RAD50: variants seen among roughly 807,000 people sequenced by gnomAD.
The protein encoded by RAD50 is DNA repair protein RAD50.
Under a neutral mutation model 168.8 loss-of-function variants are expected in RAD50, and 132 were observed. The observed-to-expected ratio is 0.78, with a 90% CI of 0.68 to 0.90. RAD50 has a LOEUF of 0.90. RAD50 is among the 40% of genes least tolerant of loss of function. The pLI is 0.00. For missense variants in RAD50, 1,347 were observed against 1,534.4 expected (o/e 0.88, Z 2.04); for synonymous variants, 525 against 497.4 (o/e 1.06, Z -0.74).
In RAD50 at chr5:132,591,925, G is replaced by C; in HGVS notation, c.1684G>C (p.Glu562Gln). The change falls in exon 11 of 25, where the codon GAA (glutamate) becomes CAA (glutamine). Residue 562 changes from glutamate to glutamine, a missense_variant. Physicochemically the swap from Glu to Gln is conservative, Grantham distance 29 (BLOSUM62 2). This residue lies in a region of RAD50 where 703 missense variants were observed against 767.7 expected (regional missense o/e 0.92). Coordinates refer to ENST00000378823, the MANE Select transcript of RAD50 (RefSeq NM_005732.4). ...AAAAATAAAATCTAGGCACAGTGAT[G>C]AATTAACCTCACTGTTGGGATATTT... ...IRKIKSRHSD[E>Q]LTSLLGYFPN... 3.7e-6 allele frequency: 6 copies of C among 1,609,434 alleles called. No homozygotes were observed. Among genetic ancestry groups the C allele is most frequent in the Non-Finnish European group, 5.1e-6 (6 of 1,176,146 alleles).
intron 22 of RAD50, among the ~76,000 whole-genome samples, chr5:132,637,638 T>C (rs6893672): frequency 0.035 from 5,258 of 151,990 alleles, 298 homozygotes; most frequent in African/African-American, 0.12. Flanking sequence ...CAGGTGATTC[T>C]CCCACCTCAG....
intron 19 of RAD50, among the ~76,000 whole-genome samples, chr5:132,613,198 C>G (rs1259764011): frequency 6.6e-6 from 1 of 152,100 alleles, no homozygotes. Flanking sequence ...GCCTAACAGT[C>G]ACTTATTTAC....
At chr5:132,591,525 G>C in intron 10 of RAD50, 119 bp downstream of exon 10, 2 of 980,034 alleles carry the variant, frequency 2.0e-6, no homozygotes, top group East Asian at 2.6e-5. Context: ...TAGAGGCTAA[G>C]TGAGCTTAGT....
intron 21 of RAD50, among the ~76,000 whole-genome samples, chr5:132,636,639 T>G (rs923741298): frequency 3.3e-5 from 5 of 152,192 alleles, no homozygotes; most frequent in African/African-American, 1.2e-4. Context: ...TCGATTCTCC[T>G]ATTTTCCCCA....
At chr5:132,631,206 C>CTGA (rs1751458874) in intron 21 of RAD50, among the ~76,000 whole-genome samples, 1 of 151,262 alleles carries the variant, frequency 6.6e-6, no homozygotes, top group Admixed American at 6.6e-5. Context: ...CTGTAACCTC[C>CTGA]ACCTCCCAGG....
Position 132,557,174 on chromosome 5 carries a change from G to T in RAD50, c.-151G>T. 9.5e-7 allele frequency: 1 copy of T among 1,053,962 alleles called. No individual in the cohort carries two copies. Among genetic ancestry groups the T allele is most frequent in the Non-Finnish European group, 1.4e-6 (1 of 693,952 alleles). The allele number at this position is 1,053,962 out of a possible 1,614,324, so 65.3% of individuals were successfully genotyped here. On this transcript the variant is annotated 5_prime_UTR_variant, in exon 1 of 25. Coordinates refer to ENST00000378823, the MANE Select transcript of RAD50 (RefSeq NM_005732.4). ...CCTCTCTCCCGCTGTTGGCTGGCAGGATCTTTTGGCAGTCCTGTGGCCTCG... is the reference window on the plus strand; with the variant it reads ...CCTCTCTCCCGCTGTTGGCTGGCAGTATCTTTTGGCAGTCCTGTGGCCTCG...
rs544432821 is a variant in RAD50, at chr5:132,639,185, T to C, written c.3618+962T>C. Among the ~76,000 whole-genome samples, 5 of 152,134 alleles carry C rather than the reference T, an allele frequency of 3.3e-5. No homozygotes were observed. The South Asian group carries it at 1.0e-3, about 32-fold the overall frequency. ...CAGCCTAACATGGTGAAACTCCGTC[T>C]CTATTAAAAATACAAAAATTAGCTG... On this transcript the variant is annotated intron_variant, in intron 23 of 24. Transcript: ENST00000378823.
chr5:132,637,094 A>G, intron 21 of RAD50, 21 bp from the exon 22 acceptor site: 1 of 1,594,368 alleles, frequency 6.3e-7, no homozygotes, highest in Non-Finnish European at 8.6e-7. Flanking sequence ...TATATGAAGT[A>G]CCAATGACTT....
intron 11 of RAD50, chr5:132,593,213 T>C (rs1234657891): frequency 1.1e-5 from 2 of 182,916 alleles, no homozygotes; most frequent in Non-Finnish European, 2.4e-5. Flanking sequence ...CCACCCACAC[T>C]TCACCATAAA....
intron 21 of RAD50, among the ~76,000 whole-genome samples, chr5:132,618,757 C>T (rs1226271707): frequency 6.6e-6 from 1 of 152,128 alleles, no homozygotes; most frequent in Non-Finnish European, 1.5e-5. Context: ...TGTAAACACA[C>T]ACTAGCTTAA....
chr5:132,605,851 A>G (rs1179217458), intron 16 of RAD50, among the ~76,000 whole-genome samples: 1 of 152,216 alleles, frequency 6.6e-6, no homozygotes, highest in African/African-American at 2.4e-5. Flanking sequence ...AACTACAAGG[A>G]AACTGAACAA....
chr5:132,575,570 A>C (rs1304393250), intron 2 of RAD50, among the ~76,000 whole-genome samples: 2 of 152,250 alleles, frequency 1.3e-5, no homozygotes, highest in African/African-American at 2.4e-5. Flanking sequence ...AATGATGCTG[A>C]ATAAAGGAGG....
intron 3 of RAD50, among the ~76,000 whole-genome samples, chr5:132,579,105 C>G (rs1750454201): frequency 6.6e-6 from 1 of 152,010 alleles, no homozygotes; most frequent in Admixed American, 6.6e-5. Flanking sequence ...GCTTCCTTTC[C>G]TGAACTACTT....
rs1199633037 is a variant in RAD50 at position 132,645,713 on chromosome 5, A to G, written c.*3349A>G. On this transcript the variant is annotated 3_prime_UTR_variant, in exon 25 of 25. Transcript: ENST00000378823. ...AATTAGAGTTTGGTGCCCCAGGGAG[A>G]CTCTGGGGAGTTTGGCAAAATATAT... 1 of 152,008 alleles carries G rather than the reference A, an allele frequency of 6.6e-6. No homozygotes were observed. Among genetic ancestry groups the G allele is most frequent in the African/African-American group, 2.4e-5 (1 of 41,354 alleles). 9.4% of individuals were successfully genotyped at this position (152,008 alleles called of 1,614,324 possible).
intron 2 of RAD50, among the ~76,000 whole-genome samples, chr5:132,564,499 G>A (rs1449391672): frequency 1.3e-5 from 2 of 152,124 alleles, no homozygotes. Flanking sequence ...TCAACATGTG[G>A]CCTGGCTGCT....
Position 132,570,272 on chromosome 5 carries a change from G to C in RAD50, c.214-5505G>C, listed in dbSNP as rs114000524. ...AGTTTATACTGATACAAGAAAATGG[G>C]GGGGGAAATGGAGAAAGAGCAAAGC... On this transcript the variant is annotated intron_variant, in intron 2 of 24. Coordinates refer to ENST00000378823, the MANE Select transcript of RAD50 (RefSeq NM_005732.4). Among the ~76,000 whole-genome samples, 551 of 152,266 alleles carry C rather than the reference G, an allele frequency of 3.6e-3. 4 individuals are homozygous for C. The highest frequency in any genetic ancestry group is 0.011 in the African/African-American group (463 of 41,538).
At chr5:132,558,542 C>T (rs1035343208) in intron 1 of RAD50, among the ~76,000 whole-genome samples, 7 of 151,894 alleles carry the variant, frequency 4.6e-5, no homozygotes, top group Admixed American at 1.3e-4. Flanking sequence ...GAAACCCCAT[C>T]TCTAATAAAA....
intron 21 of RAD50, among the ~76,000 whole-genome samples, chr5:132,628,831 G>C (rs1430671355): frequency 6.6e-6 from 1 of 150,854 alleles, no homozygotes; most frequent in Non-Finnish European, 1.5e-5. Context: ...TGGGCAACAA[G>C]AGAAAAAAAC....
chr5:132,587,571 A>G lies in RAD50; in HGVS notation c.766A>G (p.Lys256Glu). 6.2e-7 allele frequency: 1 copy of G among 1,613,042 alleles called. No homozygotes were observed. The highest frequency in any genetic ancestry group is 8.5e-7 in the Non-Finnish European group (1 of 1,179,640). The change falls in exon 6 of 25, where the codon AAA (lysine) becomes GAA (glutamate). Residue 256 changes from lysine to glutamate, a missense_variant. Coordinates refer to ENST00000378823, the MANE Select transcript of RAD50 (RefSeq NM_005732.4). ...NELDPLKNRLKEIEHNLSKIM... is the reference protein window; with the variant it reads ...NELDPLKNRLEEIEHNLSKIM... The stretch of plus-strand genomic sequence containing the variant: ...GTTTCTTTATTTTCAGAATCGTCTA[A>G]AAGAAATTGAACATAATCTCTCTAA...
Sources: allele counts gnomAD v4.1 joint callset (sites outside exome capture counted in the v4.1 genomes callset), GRCh38; gene constraint gnomAD v4.1.1; regional missense constraint gnomAD v4.1.1; transcripts MANE v1.5; gene names NCBI Gene and HGNC (gene_info 2026-07-23, HGNC 2026-07-21).